SEM1: variants seen among roughly 807,000 people sequenced by gnomAD.
SEM1 encodes SEM1 26S proteasome subunit.
SEM1 carries 3 observed loss-of-function variants against 12.7 expected under a neutral mutation model. That is an observed-to-expected ratio of 0.24 (90% CI 0.11 to 0.61). The LOEUF (loss-of-function observed/expected upper bound fraction) is 0.61. SEM1 is among the 20% of genes least tolerant of loss of function. The probability of loss-of-function intolerance (pLI) is 0.88; values close to 1 mark genes in which losing one functional copy is unlikely to be tolerated. For synonymous variants in SEM1, 30 were observed against 27.8 expected (o/e 1.08, Z -0.25); for missense variants, 59 against 81.3 (o/e 0.73, Z 1.06).
chr7:96,488,469 A>G (rs929392628), intron 1 of SEM1, among the ~76,000 whole-genome samples: 53 of 152,264 alleles, frequency 3.5e-4, no homozygotes, highest in Non-Finnish European at 1.2e-4. Context: ...TAAGTTGACA[A>G]TGCAATAGTA....
At chr7:96,554,639 A>T (rs1412233559) in intron 2 of SEM1, among the ~76,000 whole-genome samples, 3 of 151,626 alleles carry the variant, frequency 2.0e-5, no homozygotes, top group Non-Finnish European at 4.4e-5. Context: ...TTAATCAAGG[A>T]TATTGGTCTA....
chr7:96,603,598 A>G (rs1807256563), intron 2 of SEM1, among the ~76,000 whole-genome samples: 1 of 152,168 alleles, frequency 6.6e-6, no homozygotes. Flanking sequence ...TTCTGGTGCC[A>G]GACCCCACTG....
In SEM1 at chr7:96,581,204, C is replaced by T. The variant is rs572561689; in HGVS notation, c.171-74506G>A. On this transcript the variant is annotated intron_variant and NMD_transcript_variant, in intron 2 of 3. Transcript: ENST00000466986. ...TTCTACATACAGCTAGCCAGTTTTC[C>T]CAGCACCATTTATTAAATAGGGAAT... is the stretch of plus-strand genomic sequence containing the variant. Among the ~76,000 whole-genome samples the T allele has an allele frequency of 2.4e-4, 36 of 152,262 alleles. 1 individual carries two copies. The highest frequency in any genetic ancestry group is 8.7e-4 in the African/African-American group (36 of 41,544).
intron 1 of SEM1, among the ~76,000 whole-genome samples, chr7:96,493,042 C>T (rs944386222): frequency 1.3e-5 from 2 of 152,196 alleles, no homozygotes; most frequent in South Asian, 2.1e-4. Flanking sequence ...AACGCAATCT[C>T]GGCTCACTGC....
downstream of SEM1, among the ~76,000 whole-genome samples, chr7:96,670,358 G>A (rs1170505350): frequency 6.6e-6 from 1 of 152,110 alleles, no homozygotes; most frequent in Non-Finnish European, 1.5e-5. Flanking sequence ...AAATTATGAT[G>A]TAAAACTAGA....
intron 1 of SEM1, among the ~76,000 whole-genome samples, chr7:96,707,740 C>T (rs1790514293): frequency 6.6e-6 from 1 of 152,152 alleles, no homozygotes; most frequent in Non-Finnish European, 1.5e-5. Flanking sequence ...ACTACACTCG[C>T]AAAAGCTGAT....
rs370194271 is a variant in SEM1, at chr7:96,596,585, G to A, written c.171-89887C>T. ...GGGTAATAATTTCTCCAAATTAAAAGTGGTTACCCGACTTAAAACCTGTGA... is the reference window on the plus strand; with the variant it reads ...GGGTAATAATTTCTCCAAATTAAAAATGGTTACCCGACTTAAAACCTGTGA... On this transcript the variant is annotated intron_variant and NMD_transcript_variant, in intron 2 of 3. Transcript: ENST00000466986. 2.4e-3 allele frequency among the ~76,000 whole-genome samples: 360 copies of A among 152,222 alleles called. 1 individual carries two copies. The highest frequency in any genetic ancestry group is 8.4e-3 in the African/African-American group (350 of 41,532).
At chr7:96,680,908 C>G (rs1386974204) in intron 2 of SEM1, among the ~76,000 whole-genome samples, 1 of 151,950 alleles carries the variant, frequency 6.6e-6, no homozygotes, top group Non-Finnish European at 1.5e-5. Context: ...CAGCAGTGAA[C>G]AAAAAATCAG....
chr7:96,631,688 G>A (rs1253379936), intron 2 of SEM1, among the ~76,000 whole-genome samples: 2 of 152,106 alleles, frequency 1.3e-5, no homozygotes, highest in African/African-American at 4.8e-5. Flanking sequence ...GGCAACAAAA[G>A]CCAAAATTGA....
At chr7:96,664,335 C>A (rs892410091) in intron 2 of SEM1, 19 of 152,180 alleles carry the variant, frequency 1.2e-4, no homozygotes, top group Non-Finnish European at 4.4e-5. Context: ...CAATTCCGTT[C>A]TTTGAGGTTG....
intron 2 of SEM1, among the ~76,000 whole-genome samples, chr7:96,510,566 C>T (rs1803906523): frequency 6.6e-6 from 1 of 152,130 alleles, no homozygotes; most frequent in African/African-American, 2.4e-5. Context: ...TTATGTAACA[C>T]ATGACTGTAC....
intron 2 of SEM1, among the ~76,000 whole-genome samples, chr7:96,532,419 T>A (rs577877062): frequency 1.3e-5 from 2 of 152,262 alleles, no homozygotes; most frequent in African/African-American, 4.8e-5. Flanking sequence ...GAGGTTGTCT[T>A]CATGGAGCAT....
intron 2 of SEM1, among the ~76,000 whole-genome samples, chr7:96,553,573 T>G (rs1458905810): frequency 6.6e-6 from 1 of 152,334 alleles, no homozygotes; most frequent in South Asian, 2.1e-4. Flanking sequence ...TTGGTACCAG[T>G]ACCATGCTGT....
At chr7:96,500,161 A>T (rs1803466038), upstream of SEM1, among the ~76,000 whole-genome samples, 1 of 152,094 alleles carries the variant, frequency 6.6e-6, no homozygotes, top group Non-Finnish European at 1.5e-5. Flanking sequence ...AGTCTCCATG[A>T]TACAAACAAC....
intron 2 of SEM1, among the ~76,000 whole-genome samples, chr7:96,689,491 A>G (rs1157149266): frequency 1.3e-5 from 2 of 152,210 alleles, no homozygotes; most frequent in African/African-American, 4.8e-5. Context: ...TTCAAAGTTT[A>G]TGACAAAATT....
At chr7:96,493,787 T>A (rs150156376) in intron 1 of SEM1, among the ~76,000 whole-genome samples, 12 of 152,326 alleles carry the variant, frequency 7.9e-5, no homozygotes, top group African/African-American at 2.9e-4. Context: ...CTCTCTTCAA[T>A]GTTAGTCTTA....
At chr7:96,568,189 T>A in intron 2 of SEM1, among the ~76,000 whole-genome samples, 1 of 151,670 alleles carries the variant, frequency 6.6e-6, no homozygotes, top group East Asian at 1.9e-4. Context: ...AGATTTTCTA[T>A]CCCTTTTGAA....
intron 2 of SEM1, among the ~76,000 whole-genome samples, chr7:96,585,773 C>T (rs1584786595): frequency 6.6e-6 from 1 of 152,322 alleles, no homozygotes; most frequent in Admixed American, 6.5e-5. Flanking sequence ...GGAAAGGGAA[C>T]TCCCTGACCC....
chr7:96,593,512 G>A (rs1166446137), intron 2 of SEM1, among the ~76,000 whole-genome samples: 1 of 152,092 alleles, frequency 6.6e-6, no homozygotes, highest in Non-Finnish European at 1.5e-5. Flanking sequence ...GAAATTTGCA[G>A]AACCCAGTGT....
Sources: allele counts gnomAD v4.1 joint callset (sites outside exome capture counted in the v4.1 genomes callset), GRCh38; gene constraint gnomAD v4.1.1; transcripts MANE v1.5; gene names NCBI Gene and HGNC (gene_info 2026-07-23, HGNC 2026-07-21).